LRP1B: variants seen among roughly 807,000 people sequenced by gnomAD.
The protein encoded by LRP1B is LDL receptor related protein 1B.
In LRP1B, 217 loss-of-function variants were observed where a neutral mutation model predicts 556.6. The observed-to-expected ratio is 0.39, with a 90% CI of 0.35 to 0.44. LRP1B has a LOEUF of 0.44. Ranked by LOEUF, LRP1B falls within the 20% of genes least tolerant of loss-of-function variation. LRP1B has a pLI of 1.00. For missense variants in LRP1B, 5,053 were observed against 5,620.8 expected, an observed-to-expected ratio of 0.90 and a Z score of 3.23; for synonymous variants, 2,047 against 1,865.8, an observed-to-expected ratio of 1.10 and a Z score of -2.50.
intron 2 of LRP1B, among the ~76,000 whole-genome samples, chr2:141,693,742 T>G (rs76820790): frequency 0.012 from 1,782 of 152,136 alleles, 20 homozygotes; most frequent in South Asian, 0.023. Flanking sequence ...ATAACTCATG[T>G]CTAAGGGATT....
intron 83 of LRP1B, among the ~76,000 whole-genome samples, chr2:140,300,916 A>C (rs1683793372): frequency 6.6e-6 from 1 of 152,082 alleles, no homozygotes; most frequent in African/African-American, 2.4e-5. Context: ...ATTTCTATTG[A>C]GTGAGATTCA....
intron 1 of LRP1B, among the ~76,000 whole-genome samples, chr2:141,925,436 G>A (rs1161707913): frequency 6.6e-6 from 1 of 152,146 alleles, no homozygotes; most frequent in Admixed American, 6.6e-5. Context: ...TGACGATGGG[G>A]TTAACAAAGT....
At chr2:141,716,152 C>T (rs1333569618) in intron 2 of LRP1B, among the ~76,000 whole-genome samples, 1 of 152,168 alleles carries the variant, frequency 6.6e-6, no homozygotes, top group Non-Finnish European at 1.5e-5. Flanking sequence ...CTCTCTATAA[C>T]CTTGCAAAAG....
At chr2:141,861,125 C>G (rs1400525443) in intron 1 of LRP1B, among the ~76,000 whole-genome samples, 1 of 152,046 alleles carries the variant, frequency 6.6e-6, no homozygotes, top group East Asian at 1.9e-4. Context: ...AAACTAGAAA[C>G]TTTTTTCTCC....
chr2:140,676,277 AATAAG>A (rs1393169833), intron 41 of LRP1B, among the ~76,000 whole-genome samples: 8 of 152,292 alleles, frequency 5.3e-5, no homozygotes, highest in African/African-American at 1.7e-4. Context: ...GGGTAAAATA[AATAAG>A]ATAACAGTGC....
chr2:141,365,061 G>A (rs905513766), intron 3 of LRP1B, among the ~76,000 whole-genome samples: 4 of 152,128 alleles, frequency 2.6e-5, no homozygotes, highest in African/African-American at 9.7e-5. Flanking sequence ...TAGAAAGCAG[G>A]CTTATAGTTG....
rs746206037 is a variant in LRP1B at position 140,700,256 on chromosome 2, C to G, written c.6793G>C (p.Val2265Leu). 4 of 1,609,160 alleles carry G rather than the reference C, an allele frequency of 2.5e-6. No individual in the cohort carries two copies. The highest frequency in any genetic ancestry group is 3.4e-6 in the Non-Finnish European group (4 of 1,177,174). The change falls in exon 41 of 91, where the codon GTT (valine) becomes CTT (leucine). Residue 2265 changes from valine (V) to leucine (L), a missense_variant. This residue lies in a region of LRP1B where 3,619 missense variants were observed against 3,931.9 expected (regional missense o/e 0.92). Transcript: ENST00000389484. The part of the protein sequence containing the change: ...KDNWEDRQVI[V>L]ENVGSVEGLA... The stretch of plus-strand genomic sequence containing the variant: ...ATTGAATTACTGTACTTACTTTCAA[C>G]AATTACTTGTCTGTCTTCCCAGTTG...
At position 140,861,907 on chromosome 2, in the gene LRP1B, G is replaced by A. The variant is rs150083576; in HGVS notation, c.4579+5683C>T. Among the ~76,000 whole-genome samples the A allele has an allele frequency of 3.3e-3, 503 of 152,272 alleles. 2 individuals carry two copies. The highest frequency in any genetic ancestry group is 0.01 in the African/African-American group (430 of 41,552). Reference sequence around the variant, plus strand: ...TGTGTGTGTGTGTGCGCATGCACACGCTTTCTCTTTTTGTCCTGAAATCTG... The same window carrying A: ...TGTGTGTGTGTGTGCGCATGCACACACTTTCTCTTTTTGTCCTGAAATCTG... On this transcript the variant is annotated intron_variant, in intron 27 of 90. Coordinates refer to ENST00000389484, the MANE Select transcript of LRP1B (RefSeq NM_018557.3).
At chr2:141,420,577 G>A (rs749931072) in intron 3 of LRP1B, among the ~76,000 whole-genome samples, 5 of 152,288 alleles carry the variant, frequency 3.3e-5, no homozygotes, top group Non-Finnish European at 5.9e-5. Flanking sequence ...CTTGTCAGCC[G>A]TGAAACATCT....
intron 60 of LRP1B, among the ~76,000 whole-genome samples, chr2:140,458,217 G>C (rs1687182064): frequency 6.6e-6 from 1 of 152,070 alleles, no homozygotes; most frequent in South Asian, 2.1e-4. Flanking sequence ...TTACTTGCAA[G>C]GTGAGATGGG....
intron 41 of LRP1B, among the ~76,000 whole-genome samples, chr2:140,648,049 T>C (rs527885318): frequency 6.6e-6 from 1 of 152,302 alleles, no homozygotes; most frequent in South Asian, 2.1e-4. Context: ...CAAATGTCCA[T>C]CAGTGATAGA....
chr2:140,752,573 C>T (rs1195110142), intron 35 of LRP1B, among the ~76,000 whole-genome samples: 1 of 152,134 alleles, frequency 6.6e-6, no homozygotes, highest in Admixed American at 6.5e-5. Context: ...CATCCGCCTG[C>T]CTGGGCCTCC....
chr2:141,190,680 C>CTAT (rs1681466856), intron 6 of LRP1B, among the ~76,000 whole-genome samples: 1 of 151,916 alleles, frequency 6.6e-6, no homozygotes, highest in Non-Finnish European at 1.5e-5. Flanking sequence ...ATTTTCTGAT[C>CTAT]TATGTTCATT....
chr2:141,340,760 A>G (rs1424756124), intron 3 of LRP1B, among the ~76,000 whole-genome samples: 1 of 152,182 alleles, frequency 6.6e-6, no homozygotes, highest in Non-Finnish European at 1.5e-5. Context: ...ACCCCTTGAA[A>G]AGTAGTCTTC....
intron 31 of LRP1B, among the ~76,000 whole-genome samples, chr2:140,815,345 T>C (rs1351855621): frequency 3.3e-5 from 5 of 152,158 alleles, no homozygotes; most frequent in African/African-American, 2.4e-5. Flanking sequence ...TCTCACTCTG[T>C]TGCCCGGCTA....
chr2:140,298,017 G>GT (rs1340097625), intron 83 of LRP1B, 48 bp from the exon 84 acceptor site: 1 of 1,508,310 alleles, frequency 6.6e-7, no homozygotes, highest in African/African-American at 1.4e-5. Flanking sequence ...AACCAAAATA[G>GT]TTTATTTTCA....
At chr2:140,322,130 T>C (rs1312345951) in intron 81 of LRP1B, 42 bp from the exon 82 acceptor site, 3 of 1,561,170 alleles carry the variant, frequency 1.9e-6, no homozygotes, top group East Asian at 2.3e-5. Flanking sequence ...TAAATATAGA[T>C]ACAATAGGCT....
chr2:141,084,435 T>C (rs2104892642), intron 7 of LRP1B, among the ~76,000 whole-genome samples: 1 of 152,340 alleles, frequency 6.6e-6, no homozygotes, highest in Admixed American at 6.5e-5. Context: ...ACAATGTATG[T>C]TAAATTGAAA....
chr2:140,233,850 A>G (rs936024577), intron 90 of LRP1B, among the ~76,000 whole-genome samples: 3 of 151,338 alleles, frequency 2.0e-5, no homozygotes, highest in African/African-American at 7.3e-5. Context: ...TTTTGCCTCA[A>G]ACAACCTGTG....
Sources: gnomAD v4.1 joint callset for allele counts (sites outside exome capture counted in the v4.1 genomes callset) on GRCh38, gnomAD v4.1.1 for gene constraint, gnomAD v4.1.1 regional missense constraint, MANE v1.5 for transcripts, NCBI Gene and HGNC (gene_info 2026-07-23, HGNC 2026-07-21) for gene names.